Variants in LYZL1 observed in about 807,000 individuals in gnomAD.
The protein encoded by LYZL1 is lysozyme like 1, also known as lysozyme-like protein 1.
A neutral mutation model predicts 17.9 loss-of-function variants in LYZL1; 16 were observed. The observed-to-expected ratio is 0.90, with a 90% CI of 0.61 to 1.36. LYZL1 has a LOEUF of 1.36. Among genes scored for constraint, LYZL1 ranks in the 40% most tolerant of loss-of-function variants. The pLI is 0.00. For missense variants in LYZL1, 149 were observed against 188.4 expected (o/e 0.79, Z 1.22); for synonymous variants, 58 against 71.8 (o/e 0.81, Z 0.97).
chr10:29,293,127 C>CTTTTTTTTTTTTTTTT (rs778807136), intron 3 of LYZL1, among the ~76,000 whole-genome samples: 2 of 104,198 alleles, frequency 1.9e-5, no homozygotes, highest in Non-Finnish European at 4.0e-5. Context: ...CTTTTCTTTT[C>CTTTTTTTTTTTTTTTT]TTTTTTCTTT....
chr10:29,290,692 A>G (rs532764367), intron 1 of LYZL1, among the ~76,000 whole-genome samples: 1 of 152,232 alleles, frequency 6.6e-6, no homozygotes, highest in South Asian at 2.1e-4. Context: ...CACAAAAATT[A>G]GCCAGGTGTG....
intron 3 of LYZL1, among the ~76,000 whole-genome samples, chr10:29,301,230 A>G (rs1218017334): frequency 6.6e-6 from 1 of 152,198 alleles, no homozygotes; most frequent in African/African-American, 2.4e-5. Flanking sequence ...GCCTGCTGCC[A>G]TCCATCTAAG....
intron 3 of LYZL1, among the ~76,000 whole-genome samples, chr10:29,293,790 C>A (rs185056534): frequency 6.6e-6 from 1 of 151,724 alleles, no homozygotes; most frequent in Non-Finnish European, 1.5e-5. Context: ...CTGACCAACA[C>A]GGTGAAACCC....
At position 29,299,236 on chromosome 10, in the gene LYZL1, G is replaced by A. The variant is rs146679668; in HGVS notation, c.298+6559G>A. ...ATGAAGCTTAGCTCACTTGCCTGCC[G>A]CTCACCTCCTGCTGTGTGACTTGGT... On this transcript the variant is annotated intron_variant, in intron 3 of 4. Transcript: ENST00000649382. 8.6e-4 allele frequency among the ~76,000 whole-genome samples: 131 copies of A among 152,242 alleles called. No homozygotes were observed. The East Asian group carries it at 0.021, about 25-fold the overall frequency.
chr10:29,290,950 G>A (rs543123548), intron 1 of LYZL1, among the ~76,000 whole-genome samples: 2 of 152,124 alleles, frequency 1.3e-5, no homozygotes, highest in East Asian at 1.9e-4. Flanking sequence ...TTCACTCTTC[G>A]ATAAACCCCC....
At chr10:29,296,264 A>C (rs987802798) in intron 3 of LYZL1, among the ~76,000 whole-genome samples, 6 of 152,246 alleles carry the variant, frequency 3.9e-5, no homozygotes, top group Non-Finnish European at 8.8e-5. Flanking sequence ...GGAAAGCAGG[A>C]GGCAAGTGGT....
At chr10:29,297,024 T>C (rs982212800) in intron 3 of LYZL1, among the ~76,000 whole-genome samples, 1 of 149,900 alleles carries the variant, frequency 6.7e-6, no homozygotes, top group Non-Finnish European at 1.5e-5. Flanking sequence ...AAACTACCAT[T>C]AATATCTTCA....
downstream of LYZL1, among the ~76,000 whole-genome samples, chr10:29,315,406 G>C (rs1835718062): frequency 6.6e-6 from 1 of 152,054 alleles, no homozygotes; most frequent in Non-Finnish European, 1.5e-5. Context: ...TAGCTACTCT[G>C]GAGGCTGAGG....
chr10:29,296,201 C>T (rs576529250), intron 3 of LYZL1, among the ~76,000 whole-genome samples: 6 of 152,094 alleles, frequency 3.9e-5, no homozygotes, highest in African/African-American at 1.2e-4. Flanking sequence ...AAAGATAAAT[C>T]CACATATACA....
chr10:29,317,973 C>T (rs1835750350), intron 4 of LYZL1, among the ~76,000 whole-genome samples: 1 of 151,638 alleles, frequency 6.6e-6, no homozygotes, highest in Non-Finnish European at 1.5e-5. Flanking sequence ...TGATTACTAT[C>T]CTATTTCTGC....
At chr10:29,298,991 T>C (rs905085758) in intron 3 of LYZL1, among the ~76,000 whole-genome samples, 1 of 152,184 alleles carries the variant, frequency 6.6e-6, no homozygotes, top group Non-Finnish European at 1.5e-5. Flanking sequence ...CCTGAGCTGA[T>C]TTTCCTGCAA....
At chr10:29,309,719 C>T (rs150445603) in intron 3 of LYZL1, among the ~76,000 whole-genome samples, 10,171 of 152,222 alleles carry the variant, frequency 0.067, 394 homozygotes, top group South Asian at 0.14. Context: ...TGGACTCAAA[C>T]TCCTGGCCTC....
At chr10:29,302,203 A>G (rs2132826265) in intron 3 of LYZL1, among the ~76,000 whole-genome samples, 1 of 152,246 alleles carries the variant, frequency 6.6e-6, no homozygotes, top group South Asian at 2.1e-4. Flanking sequence ...ATACATACAT[A>G]GTGTGTGTGT....
Position 29,310,983 on chromosome 10 carries a change from T to G in LYZL1, c.378-7T>G, listed in dbSNP as rs537793255. ...TTCTGCTGCTCCTGCTTCCCTCTCA[T>G]CCTCAGGCAAGGCTGGAAGAAACAT... On this transcript the variant is annotated splice_polypyrimidine_tract_variant and splice_region_variant and intron_variant, in intron 4 of 4. Coordinates refer to ENST00000649382, the MANE Select transcript of LYZL1 (RefSeq NM_032517.6). 9.9e-6 allele frequency: 16 copies of G among 1,613,988 alleles called. No homozygotes were observed. The highest frequency in any genetic ancestry group is 7.6e-6 in the Non-Finnish European group (9 of 1,180,022).
At chr10:29,308,474 A>G (rs1156984779) in intron 3 of LYZL1, among the ~76,000 whole-genome samples, 1 of 152,178 alleles carries the variant, frequency 6.6e-6, no homozygotes, top group East Asian at 1.9e-4. Context: ...TAGCACCTCA[A>G]ACCCATCGCA....
chr10:29,289,405 C>CTTTT (rs1319623777), intron 1 of LYZL1, among the ~76,000 whole-genome samples, 175 bp downstream of exon 1: 1 of 144,992 alleles, frequency 6.9e-6, no homozygotes, highest in Non-Finnish European at 1.5e-5. Context: ...ATCTTTTTTT[C>CTTTT]TTTTTTCTTT....
chr10:29,291,136 G>A (rs930077270), intron 1 of LYZL1, among the ~76,000 whole-genome samples: 6 of 152,116 alleles, frequency 3.9e-5, no homozygotes, highest in African/African-American at 1.4e-4. Flanking sequence ...GAAACTTAAC[G>A]ACTCCATAGC....
At chr10:29,304,577 A>G (rs1835566457) in intron 3 of LYZL1, among the ~76,000 whole-genome samples, 1 of 152,220 alleles carries the variant, frequency 6.6e-6, no homozygotes, top group Non-Finnish European at 1.5e-5. Flanking sequence ...ATGTGGAAGA[A>G]TAAACGATTC....
intron 2 of LYZL1, 23 bp from the exon 3 acceptor site, chr10:29,292,496 G>A (rs182865461): frequency 3.1e-5 from 50 of 1,610,348 alleles, no homozygotes; most frequent in African/African-American, 1.3e-4. Flanking sequence ...CTTTGCTGGC[G>A]TTTCTGGCTT....
Sources: gnomAD v4.1 joint callset for allele counts (sites outside exome capture counted in the v4.1 genomes callset) on GRCh38, gnomAD v4.1.1 for gene constraint, MANE v1.5 for transcripts, NCBI Gene and HGNC (gene_info 2026-07-23, HGNC 2026-07-21) for gene names.